Variants in VAT1L observed in about 807,000 individuals in gnomAD.
VAT1L encodes putative NADPH-dependent quinone oxidoreductase VAT1L.
In VAT1L, 34 loss-of-function variants were observed where a neutral mutation model predicts 44.1. That is an observed-to-expected ratio of 0.77 (90% CI 0.59 to 1.03). The LOEUF is 1.03. Among genes scored for constraint, VAT1L ranks in the 50% least tolerant of loss-of-function variants. The pLI is 0.00. For synonymous variants in VAT1L, 253 were observed against 202.2 expected, an observed-to-expected ratio of 1.25 and a Z score of -2.13; for missense variants, 615 against 538.8, an observed-to-expected ratio of 1.14 and a Z score of -1.40.
At chr16:77,850,352 C>T (rs1255105281) in intron 3 of VAT1L, among the ~76,000 whole-genome samples, 3 of 152,186 alleles carry the variant, frequency 2.0e-5, no homozygotes, top group Non-Finnish European at 4.4e-5. Context: ...GCTATCAGTT[C>T]AGAGTAACCA....
intron 4 of VAT1L, among the ~76,000 whole-genome samples, chr16:77,869,394 G>A (rs934994448): frequency 1.3e-5 from 2 of 152,344 alleles, no homozygotes; most frequent in Middle Eastern, 3.4e-3. Context: ...ACTCCCTTAG[G>A]CTGGATGTGG....
chr16:77,845,286 G>C (rs2016747089), intron 3 of VAT1L, among the ~76,000 whole-genome samples: 2 of 152,170 alleles, frequency 1.3e-5, no homozygotes, highest in South Asian at 4.1e-4. Flanking sequence ...AGAGCCCTGA[G>C]TTAATGCCAC....
At chr16:77,880,413 G>C (rs148818833) in intron 6 of VAT1L, among the ~76,000 whole-genome samples, 8 of 151,980 alleles carry the variant, frequency 5.3e-5, no homozygotes, top group African/African-American at 1.7e-4. Flanking sequence ...GCTTGCCTCA[G>C]CCTCCCAAAG....
chr16:77,866,736 AT>A lies in VAT1L; in HGVS notation c.722+3847del, dbSNP rs2016978501. 2.6e-5 allele frequency among the ~76,000 whole-genome samples: 4 copies of A among 152,308 alleles called. No individual in the cohort carries two copies. The South Asian group carries it at 8.3e-4, about 32-fold the overall frequency. The stretch of plus-strand genomic sequence containing the variant: ...TGTTGTAAAGGGAATAGAAAAAAAA[AT>A]ATTTATGACACAGACCTAACCTTTA... On this transcript the variant is annotated intron_variant, in intron 4 of 8. Transcript: ENST00000302536.
At chr16:77,929,741 T>C (rs988736813) in intron 7 of VAT1L, among the ~76,000 whole-genome samples, 7 of 152,200 alleles carry the variant, frequency 4.6e-5, no homozygotes, top group Non-Finnish European at 8.8e-5. Context: ...GTTGGAATTA[T>C]CCCCATTTTA....
chr16:77,788,869 A>T lies in VAT1L; in HGVS notation c.187A>T (p.Met63Leu), dbSNP rs1258142142. The part of the protein sequence containing the change: ...LNKLRLFRKA[M>L]PEPQDGELKI... ...CAAGCTGCGGCTCTTCAGGAAGGCC[A>T]TGCCCGAGCCTCAGGACGGCGAGCT... is the stretch of plus-strand genomic sequence containing the variant. Residue 63 changes from methionine (M) to leucine (L), a missense_variant, in exon 1 of 9, where the codon ATG (methionine) becomes TTG (leucine). Physicochemically the swap from Met to Leu is conservative, Grantham distance 15. Transcript: ENST00000302536. 6.4e-7 allele frequency: 1 copy of T among 1,568,806 alleles called. No individual in the cohort carries two copies. Among genetic ancestry groups the T allele is most frequent in the Admixed American group, 1.9e-5 (1 of 52,640 alleles).
intron 7 of VAT1L, among the ~76,000 whole-genome samples, chr16:77,907,316 C>G (rs576988745): frequency 2.0e-5 from 3 of 152,224 alleles, no homozygotes; most frequent in Non-Finnish European, 4.4e-5. Flanking sequence ...CCACCAGGCA[C>G]AGAGCTCACT....
At chr16:77,815,105 G>T (rs1176303253) in intron 1 of VAT1L, among the ~76,000 whole-genome samples, 1 of 152,144 alleles carries the variant, frequency 6.6e-6, no homozygotes, top group East Asian at 1.9e-4. Flanking sequence ...ATTGGGATTT[G>T]TACCCCAGTC....
At chr16:77,956,974 C>T (rs1485763278) in intron 7 of VAT1L, among the ~76,000 whole-genome samples, 1 of 152,168 alleles carries the variant, frequency 6.6e-6, no homozygotes, top group East Asian at 1.9e-4. Context: ...ACCACCTATT[C>T]CTGCAAACCA....
Position 77,879,714 on chromosome 16 carries a change from C to G in VAT1L, c.882+490C>G, listed in dbSNP as rs1419111756. On this transcript the variant is annotated intron_variant, in intron 6 of 8. Transcript: ENST00000302536. The surrounding 1 kb of genome is among the most constrained non-coding windows in gnomAD (Gnocchi z 4.1). ...GGACCAGAATTTAGACTACTTTTGT[C>G]TAAATGAAACAGAGAGGTGGGAGTG... 1.3e-5 allele frequency among the ~76,000 whole-genome samples: 2 copies of G among 152,164 alleles called. No individual in the cohort carries two copies. Among genetic ancestry groups the G allele is most frequent in the Non-Finnish European group, 2.9e-5 (2 of 68,036 alleles).
In VAT1L at chr16:77,866,852, T is replaced by TA. The variant is rs565832481; in HGVS notation, c.722+3964dup. ...TTAGAAACCTTGAGTTGTGTGTACC[T>TA]AACTGCAAGGGCTTTACAAATAAGG... is the stretch of plus-strand genomic sequence containing the variant. On this transcript the variant is annotated intron_variant, in intron 4 of 8. Transcript: ENST00000302536. 1.9e-4 allele frequency among the ~76,000 whole-genome samples: 29 copies of TA among 152,276 alleles called. No homozygotes were observed. In the South Asian group the frequency reaches 6.0e-3, roughly 32 times the overall value.
intron 1 of VAT1L, among the ~76,000 whole-genome samples, chr16:77,795,813 C>CTTTTTTTTTTTT (rs56725954): frequency 4.9e-4 from 49 of 100,586 alleles, no homozygotes; most frequent in East Asian, 1.5e-3. Flanking sequence ...CCTTTTTTCT[C>CTTTTTTTTTTTT]TTTTTTTTTT....
intron 1 of VAT1L, 91 bp from the exon 2 acceptor site, chr16:77,816,830 A>T: frequency 7.0e-7 from 1 of 1,438,662 alleles, no homozygotes; most frequent in Non-Finnish European, 9.2e-7. Context: ...GGAGGAAAGG[A>T]GGAAAAGAAA....
intron 7 of VAT1L, among the ~76,000 whole-genome samples, chr16:77,930,590 A>G (rs2017720399): frequency 6.6e-6 from 1 of 152,104 alleles, no homozygotes; most frequent in Non-Finnish European, 1.5e-5. Flanking sequence ...CTTATATCTC[A>G]AGGTAGGTTC....
intron 3 of VAT1L, among the ~76,000 whole-genome samples, chr16:77,843,111 T>C (rs1232816924): frequency 6.6e-6 from 1 of 152,106 alleles, no homozygotes; most frequent in Non-Finnish European, 1.5e-5. Context: ...AATCCTGTGT[T>C]TTAAGCCACA....
chr16:77,857,620 T>G (rs1282478951), intron 3 of VAT1L, among the ~76,000 whole-genome samples: 6 of 150,880 alleles, frequency 4.0e-5, no homozygotes. Context: ...TAATCTTAAT[T>G]GTGTTATTAG....
intron 3 of VAT1L, among the ~76,000 whole-genome samples, chr16:77,854,492 T>C (rs2016838625): frequency 6.6e-6 from 1 of 152,162 alleles, no homozygotes; most frequent in Non-Finnish European, 1.5e-5. Context: ...GACAGCGTGA[T>C]CTGAAAAAAA....
At chr16:77,894,175 G>A (rs1481786728) in intron 7 of VAT1L, among the ~76,000 whole-genome samples, 2 of 152,170 alleles carry the variant, frequency 1.3e-5, no homozygotes, top group Admixed American at 6.5e-5. Context: ...CTTTATTCCT[G>A]CATGTCTGTG....
intron 4 of VAT1L, among the ~76,000 whole-genome samples, chr16:77,864,567 C>T (rs2016951942): frequency 6.6e-6 from 1 of 152,218 alleles, no homozygotes; most frequent in South Asian, 2.1e-4. Flanking sequence ...GATCATGCCA[C>T]TGCACTCCAG....
Sources: gnomAD v4.1 joint callset for allele counts (sites outside exome capture counted in the v4.1 genomes callset) on GRCh38, gnomAD v4.1.1 for gene constraint, Gnocchi (gnomAD v3.1) non-coding constraint, MANE v1.5 for transcripts, NCBI Gene and HGNC (gene_info 2026-07-23, HGNC 2026-07-21) for gene names.